The following PPP2R2A variants were observed in gnomAD, a reference collection of about 807,000 sequenced individuals.
PPP2R2A encodes serine/threonine-protein phosphatase 2A 55 kDa regulatory subunit B alpha isoform.
A neutral mutation model predicts 53.2 loss-of-function variants in PPP2R2A; 9 were observed. That is an observed-to-expected ratio of 0.17 (90% CI 0.10 to 0.30). The LOEUF is 0.30. Ranked by LOEUF, PPP2R2A falls within the 10% of genes least tolerant of loss-of-function variation. The probability of loss-of-function intolerance (pLI) is 1.00; values close to 1 mark genes in which losing one functional copy is unlikely to be tolerated. For synonymous variants in PPP2R2A, 169 were observed against 174.2 expected (o/e 0.97, Z 0.23); for missense variants, 235 against 534.6 (o/e 0.44, Z 5.53).
In PPP2R2A at chr8:26,321,171, TAGG is replaced by T. The variant is rs1436353780; in HGVS notation, c.83-17716_83-17714del. Among the ~76,000 whole-genome samples the T allele has an allele frequency of 2.0e-5, 3 of 152,144 alleles. No homozygotes were observed. The highest frequency in any genetic ancestry group is 4.4e-5 in the Non-Finnish European group (3 of 68,018). On this transcript the variant is annotated intron_variant, in intron 2 of 9. Coordinates refer to ENST00000380737, the MANE Select transcript of PPP2R2A (RefSeq NM_002717.4). This position sits in a 1 kb window ranked among gnomAD's most constrained non-coding sequence, Gnocchi z 4.1. The stretch of plus-strand genomic sequence containing the variant: ...CATTTCTGTGGTTGTGAAGCGCTAG[TAGG>T]AGTAAGTGACAGGACCTACTTTGAA...
At chr8:26,358,049 C>T (rs1252693679) in intron 4 of PPP2R2A, among the ~76,000 whole-genome samples, 2 of 151,056 alleles carry the variant, frequency 1.3e-5, no homozygotes, top group Non-Finnish European at 2.9e-5. Flanking sequence ...TATTTATTAA[C>T]ATACTGATTT....
chr8:26,370,440 A>C lies in PPP2R2A; in HGVS notation c.*27A>C. ...GTTGGCATTCCTAGCAGAAGAACCC[A>C]CTTCCTGCTTAGTTGAGATAGTTGA... On this transcript the variant is annotated 3_prime_UTR_variant, in exon 10 of 10. Coordinates refer to ENST00000380737, the MANE Select transcript of PPP2R2A (RefSeq NM_002717.4). The surrounding 1 kb of genome is among the most constrained non-coding windows in gnomAD (Gnocchi z 6.1). 2 of 1,606,700 alleles carry C rather than the reference A, an allele frequency of 1.2e-6. No homozygotes were observed. Among genetic ancestry groups the C allele is most frequent in the South Asian group, 1.1e-5 (1 of 90,744 alleles).
intron 3 of PPP2R2A, among the ~76,000 whole-genome samples, chr8:26,346,828 T>C (rs145029872): frequency 1.0e-3 from 158 of 152,312 alleles, no homozygotes; most frequent in African/African-American, 3.7e-3. Context: ...GACTTTCTTA[T>C]TAGAATGTTA....
At chr8:26,316,743 A>G (rs571837885) in intron 2 of PPP2R2A, among the ~76,000 whole-genome samples, 1 of 152,326 alleles carries the variant, frequency 6.6e-6, no homozygotes, top group Admixed American at 6.5e-5. Context: ...GTGTCTTGAC[A>G]TGATAGAAGG....
rs887579045 is a variant in PPP2R2A at position 26,360,652 on chromosome 8, T to C, written c.460-322T>C. 47 of 312,898 alleles carry C rather than the reference T, an allele frequency of 1.5e-4. 1 individual carries two copies. The highest frequency in any genetic ancestry group is 1.3e-3 in the South Asian group (14 of 10,978). 19.4% of individuals were successfully genotyped at this position (312,898 alleles called of 1,614,324 possible). A position where few individuals can be genotyped will look rare whatever the true frequency, so the allele number is the denominator to read the frequency against. On this transcript the variant is annotated intron_variant, in intron 5 of 9. Transcript: ENST00000380737. This position sits in a 1 kb window ranked among gnomAD's most constrained non-coding sequence, Gnocchi z 4.5. ...AAAAAATACCAAGAATTAGATGTTA[T>C]GGGTTAATTTTCTTTTTAGCCTCTT...
rs11321025 is a variant in PPP2R2A at position 26,360,053 on chromosome 8, GT to G, written c.347-103del. On this transcript the variant is annotated intron_variant, in intron 4 of 9. Transcript: ENST00000380737. This position sits in a 1 kb window ranked among gnomAD's most constrained non-coding sequence, Gnocchi z 4.5. The stretch of plus-strand genomic sequence containing the variant: ...AATTTTTTAGTAAGTTCAGATTAGG[GT>G]TTTTTTTTTTTTCGTGGAATCCTTT... 218,670 of 425,952 alleles carry G rather than the reference GT, an allele frequency of 0.51. 37,413 individuals are homozygous for G. The highest frequency in any genetic ancestry group is 0.61 in the East Asian group (14,403 of 23,488). 26.4% of individuals were successfully genotyped at this position (425,952 alleles called of 1,614,324 possible).
Position 26,354,473 on chromosome 8 carries a change from A to G in PPP2R2A, c.186A>G (p.Lys62=). The G allele has an allele frequency of 1.3e-6, 2 of 1,522,396 alleles. No homozygotes were observed. Among genetic ancestry groups the G allele is most frequent in the South Asian group, 2.7e-5 (2 of 75,020 alleles). 94.3% of individuals were successfully genotyped at this position (1,522,396 alleles called of 1,614,324 possible). Residue 62 remains lysine, a synonymous_variant, in exon 4 of 10, where the codon AAA becomes AAG. Transcript: ENST00000380737. The surrounding 1 kb of genome is among the most constrained non-coding windows in gnomAD (Gnocchi z 4.6). ...TATTTTTGTTTTCATTTTAGAACAA[A>G]ATCCAGTCTCATAGCAGAGGAGAAT... ...VVIFQQEQEN[K]IQSHSRGEYN...
At position 26,346,287 on chromosome 8, in the gene PPP2R2A, T is replaced by G. The variant is rs77351616; in HGVS notation, c.180+7300T>G. 4.6e-3 allele frequency among the ~76,000 whole-genome samples: 695 copies of G among 152,150 alleles called. 4 individuals are homozygous for G. The highest frequency in any genetic ancestry group is 0.016 in the African/African-American group (659 of 41,498). ...TCCCGAGTAGCTGGGATTACAGACG[T>G]GCACCACCATGCCTGGTTAATTTTT... is the stretch of plus-strand genomic sequence containing the variant. On this transcript the variant is annotated intron_variant, in intron 3 of 9. Coordinates refer to ENST00000380737, the MANE Select transcript of PPP2R2A (RefSeq NM_002717.4).
chr8:26,307,738 A>G (rs1802087615), intron 2 of PPP2R2A, among the ~76,000 whole-genome samples: 3 of 152,234 alleles, frequency 2.0e-5, no homozygotes, highest in Non-Finnish European at 1.5e-5. Flanking sequence ...GCTGTCTATA[A>G]GTGCTTTATA....
Position 26,291,745 on chromosome 8 carries a change from TC to T in PPP2R2A, c.-71del. ...GCCATCCGCCCTCTCTACCCCCCCA[TC>T]CCCAGGTGAGGGGGGTGAGTTCAGG... On this transcript the variant is annotated 5_prime_UTR_variant, in exon 1 of 10. Coordinates refer to ENST00000380737, the MANE Select transcript of PPP2R2A (RefSeq NM_002717.4). The T allele has an allele frequency of 1.7e-6, 2 of 1,168,806 alleles. No homozygotes were observed. The highest frequency in any genetic ancestry group is 3.1e-5 in the South Asian group (2 of 64,900). The allele number at this position is 1,168,806 out of a possible 1,614,324, so 72.4% of individuals were successfully genotyped here. A position where few individuals can be genotyped will look rare whatever the true frequency, so the allele number is the denominator to read the frequency against.
intron 3 of PPP2R2A, among the ~76,000 whole-genome samples, chr8:26,348,101 G>A (rs1804312511): frequency 6.6e-6 from 1 of 152,068 alleles, no homozygotes; most frequent in Non-Finnish European, 1.5e-5. Context: ...TAAAACAAAT[G>A]ACTGCTTACA....
chr8:26,304,924 A>G (rs906359063), intron 2 of PPP2R2A, among the ~76,000 whole-genome samples: 11 of 152,282 alleles, frequency 7.2e-5, no homozygotes, highest in Non-Finnish European at 1.5e-4. Flanking sequence ...TTTTATGCAT[A>G]TTATAGAAAA....
intron 6 of PPP2R2A, among the ~76,000 whole-genome samples, chr8:26,361,474 C>T (rs181833265): frequency 2.4e-4 from 36 of 152,210 alleles, no homozygotes; most frequent in Non-Finnish European, 4.6e-4. Flanking sequence ...TGTATGGTAG[C>T]TTATGCCTGT....
chr8:26,345,696 C>T (rs12547389), intron 3 of PPP2R2A, among the ~76,000 whole-genome samples: 1 of 152,022 alleles, frequency 6.6e-6, no homozygotes, highest in African/African-American at 2.4e-5. Context: ...GAGCGACTGC[C>T]CCTTTGCAGT....
Position 26,360,029 on chromosome 8 carries a change from AT to A in PPP2R2A, c.347-134del. 1 of 509,824 alleles carries A rather than the reference AT, an allele frequency of 2.0e-6. No individual in the cohort carries two copies. Among genetic ancestry groups the A allele is most frequent in the Non-Finnish European group, 3.5e-6 (1 of 288,652 alleles). 31.6% of individuals were successfully genotyped at this position (509,824 alleles called of 1,614,324 possible). A position where few individuals can be genotyped will look rare whatever the true frequency, so the allele number is the denominator to read the frequency against. ...TATGTTATTCAGCTGATAATAGGAA[AT>A]TTTTTAGTAAGTTCAGATTAGGGTT... is the stretch of plus-strand genomic sequence containing the variant. On this transcript the variant is annotated intron_variant, in intron 4 of 9. Coordinates refer to ENST00000380737, the MANE Select transcript of PPP2R2A (RefSeq NM_002717.4). This position sits in a 1 kb window ranked among gnomAD's most constrained non-coding sequence, Gnocchi z 4.5.
intron 9 of PPP2R2A, among the ~76,000 whole-genome samples, chr8:26,368,924 G>A (rs1409168825): frequency 6.6e-6 from 1 of 151,980 alleles, no homozygotes; most frequent in African/African-American, 2.4e-5. Context: ...GGCTAACGTG[G>A]TGAAACCCTG....
At chr8:26,369,481 C>T (rs1805557669) in intron 9 of PPP2R2A, among the ~76,000 whole-genome samples, 1 of 152,090 alleles carries the variant, frequency 6.6e-6, no homozygotes, top group Non-Finnish European at 1.5e-5. Context: ...AGCTCCACCT[C>T]CCGGGTTCAC....
chr8:26,347,688 A>G (rs998007896), intron 3 of PPP2R2A, among the ~76,000 whole-genome samples: 1 of 152,192 alleles, frequency 6.6e-6, no homozygotes, highest in Admixed American at 6.5e-5. Flanking sequence ...TCAACCAGGT[A>G]TCCTTCATTC....
chr8:26,358,395 A>G (rs1360805041), intron 4 of PPP2R2A, among the ~76,000 whole-genome samples: 1 of 152,212 alleles, frequency 6.6e-6, no homozygotes, highest in Non-Finnish European at 1.5e-5. Context: ...CTATCTATAA[A>G]TCATATACAT....
Sources: gnomAD v4.1 joint callset for allele counts (sites outside exome capture counted in the v4.1 genomes callset) on GRCh38, gnomAD v4.1.1 for gene constraint, Gnocchi (gnomAD v3.1) non-coding constraint, MANE v1.5 for transcripts, NCBI Gene and HGNC (gene_info 2026-07-23, HGNC 2026-07-21) for gene names.